FTCD: variants seen among roughly 807,000 people sequenced by gnomAD.
FTCD encodes formimidoyltransferase cyclodeaminase, also known as formimidoyltransferase-cyclodeaminase.
FTCD carries 76 observed loss-of-function variants against 62.9 expected under a neutral mutation model. That is an observed-to-expected ratio of 1.21 (90% CI 1.00 to 1.46). The LOEUF (loss-of-function observed/expected upper bound fraction) is 1.46. Among genes scored for constraint, FTCD ranks in the 40% most tolerant of loss-of-function variants. The pLI is 0.00. For missense variants in FTCD, 845 were observed against 751.3 expected, an observed-to-expected ratio of 1.12 and a Z score of -1.46; for synonymous variants, 397 against 336.9, an observed-to-expected ratio of 1.18 and a Z score of -1.95.
At chr21:46,152,717 C>T in intron 3 of FTCD, 190 bp downstream of exon 3, 1 of 561,984 alleles carries the variant, frequency 1.8e-6, no homozygotes, top group South Asian at 2.6e-5. Context: ...AGGCCCCGGG[C>T]CTGCACGGCC....
Position 46,151,689 on chromosome 21 carries a change from G to A in FTCD, c.505C>T (p.Pro169Ser), listed in dbSNP as rs1422871091. 8.7e-6 allele frequency: 14 copies of A among 1,613,014 alleles called. No homozygotes were observed. The highest frequency in any genetic ancestry group is 1.2e-5 in the Non-Finnish European group (14 of 1,179,980). Residue 169 changes from proline (P) to serine (S), a missense_variant, in exon 5 of 14, where the codon CCC becomes TCC. By Grantham distance (74) the Pro-to-Ser change is moderately conservative. Coordinates refer to ENST00000397746, the MANE Select transcript of FTCD (RefSeq NM_206965.2). ...CCCGTGGCCGTGGCCCCCCAACTGG[G>A]GACAAAGGAGCTGGGACCAAAGTCG... ...APDFGPSSFV[P>S]SWGATATGAR...
At position 46,145,648 on chromosome 21, in the gene FTCD, G is replaced by A. The variant is rs1400685921; in HGVS notation, c.1099-70C>T. On this transcript the variant is annotated intron_variant, in intron 9 of 13. Transcript: ENST00000397746. The stretch of plus-strand genomic sequence containing the variant: ...CCGGGACCGACCCCAGGAAGAGCCA[G>A]GGGCCCGGGTGATCCCTGCGGGGGT... 7.0e-6 allele frequency: 9 copies of A among 1,290,058 alleles called. No individual in the cohort carries two copies. The East Asian group carries it at 1.1e-4, about 15-fold the overall frequency. 79.9% of individuals were successfully genotyped at this position (1,290,058 alleles called of 1,614,324 possible).
At chr21:46,148,936 G>A (rs900748590) in intron 7 of FTCD, among the ~76,000 whole-genome samples, 2 of 152,164 alleles carry the variant, frequency 1.3e-5, no homozygotes, top group African/African-American at 2.4e-5. Context: ...TCCTGATTTT[G>A]ATAATTACAC....
chr21:46,146,659 C>A, intron 7 of FTCD: 1 of 464,164 alleles, frequency 2.2e-6, no homozygotes, highest in Non-Finnish European at 3.9e-6. Context: ...CCCCCAGCAC[C>A]ACTGCCCCAT....
intron 3 of FTCD, chr21:46,152,608 T>G: frequency 3.1e-6 from 1 of 319,136 alleles, no homozygotes; most frequent in Non-Finnish European, 5.8e-6. Flanking sequence ...ATTTTCTTGA[T>G]TTAGTTAATT....
chr21:46,152,066 C>T (rs2079300171), intron 3 of FTCD, 86 bp from the exon 4 acceptor site: 1 of 920,910 alleles, frequency 1.1e-6, no homozygotes, highest in East Asian at 2.7e-5. Flanking sequence ...GGGCTCCCTC[C>T]AGCCTAACCC....
Position 46,152,897 on chromosome 21 carries a change from G to GCC in FTCD, c.367+9_367+10insGG. The GCC allele has an allele frequency of 8.3e-7, 1 of 1,210,048 alleles. No individual in the cohort carries two copies. The highest frequency in any genetic ancestry group is 1.2e-6 in the Non-Finnish European group (1 of 865,798). The allele number at this position is 1,210,048 out of a possible 1,614,324, so 75.0% of individuals were successfully genotyped here. ...GGAGCAGAGTGAGGGGGGCGGGGGG[G>GCC]CACGCTCACCTGGCACGTCCAGCTC... On this transcript the variant is annotated intron_variant, in intron 3 of 13. Transcript: ENST00000397746.
chr21:46,150,871 T>A (rs1229837134), intron 5 of FTCD, among the ~76,000 whole-genome samples: 1 of 152,220 alleles, frequency 6.6e-6, no homozygotes, highest in Non-Finnish European at 1.5e-5. Context: ...TCCCATCTGC[T>A]CCGCTCCCGA....
chr21:46,148,239 C>T (rs114117063), intron 7 of FTCD, among the ~76,000 whole-genome samples: 10,007 of 152,190 alleles, frequency 0.066, 390 homozygotes, highest in African/African-American at 0.1. Flanking sequence ...TGGCAAGTGA[C>T]GGGTCCACGT....
Position 46,136,809 on chromosome 21 carries a change from T to C in FTCD, c.*178A>G. ...TGCCAAAACTTTACTGGAGGTCACA[T>C]GGGACTAGGGGCCTTCTGTCCCTGC... On this transcript the variant is annotated 3_prime_UTR_variant, in exon 14 of 14. Coordinates refer to ENST00000397746, the MANE Select transcript of FTCD (RefSeq NM_206965.2). 6.5e-7 allele frequency: 1 copy of C among 1,538,658 alleles called. No individual in the cohort carries two copies. Among genetic ancestry groups the C allele is most frequent in the Non-Finnish European group, 8.8e-7 (1 of 1,140,540 alleles).
chr21:46,155,191 G>C (rs1288115330), intron 1 of FTCD, among the ~76,000 whole-genome samples: 4 of 152,154 alleles, frequency 2.6e-5, no homozygotes, highest in Non-Finnish European at 5.9e-5. Context: ...GAGGCCCAGA[G>C]ATCTGCCCAA....
At chr21:46,146,389 G>C in intron 7 of FTCD, 62 bp from the exon 8 acceptor site, 1 of 1,139,818 alleles carries the variant, frequency 8.8e-7, no homozygotes, top group Non-Finnish European at 1.3e-6. Context: ...GAAAGCCTCG[G>C]AACCCGCGGG....
chr21:46,144,276 C>T (rs941948950), intron 10 of FTCD, among the ~76,000 whole-genome samples: 11 of 151,322 alleles, frequency 7.3e-5, no homozygotes, highest in Non-Finnish European at 4.4e-5. Flanking sequence ...CTTTTCTTCT[C>T]TTTGTCTTGT....
rs376754467 is a variant in FTCD, at chr21:46,145,471, C to T, written c.1206G>A (p.Ser402=). ...CATCCACCAGCGTGGTTAGCTTGGC[C>T]GAAGCCTCGCGGAAGGGCGGGATCA... ...RRLIPPFREA[S]AKLTTLVDAD... is the part of the protein sequence containing the mutation. The change falls in exon 10 of 14, where the codon TCG becomes TCA. Residue 402 remains serine (S), a synonymous_variant. Transcript: ENST00000397746. 1.6e-4 allele frequency: 248 copies of T among 1,559,018 alleles called. No homozygotes were observed. The highest frequency in any genetic ancestry group is 2.0e-4 in the Non-Finnish European group (227 of 1,152,426).
chr21:46,153,876 G>A (rs903392472), intron 2 of FTCD, among the ~76,000 whole-genome samples: 7 of 152,206 alleles, frequency 4.6e-5, no homozygotes, highest in East Asian at 1.9e-4. Context: ...AACCTTCCCC[G>A]GCGTGGCCCC....
intron 2 of FTCD, among the ~76,000 whole-genome samples, chr21:46,153,374 T>G (rs79010750): frequency 0.05 from 7,673 of 152,126 alleles, 655 homozygotes; most frequent in African/African-American, 0.17. Context: ...AAAAATAACT[T>G]TGAAAGGGGT....
In FTCD at chr21:46,150,431, G is replaced by A. The variant is rs780703694; in HGVS notation, c.731C>T (p.Thr244Met). The change falls in exon 6 of 14, where the codon ACG (threonine) becomes ATG (methionine). Residue 244 changes from threonine to methionine, a missense_variant. By Grantham distance (81) the Thr-to-Met change is moderately conservative. Transcript: ENST00000397746. ...VSTNLLDFEV[T>M]ALHTVYEETC... is the part of the protein sequence containing the mutation. ...CTCCTCGTAGACCGTGTGCAGTGCC[G>A]TGACCTCAAAGTCCAGAAGATTGGT... The A allele has an allele frequency of 8.1e-6, 13 of 1,612,870 alleles. No homozygotes were observed. The highest frequency in any genetic ancestry group is 1.6e-4 in the Middle Eastern group (1 of 6,080).
In FTCD at chr21:46,145,540, G is replaced by T. The variant is rs1338051038; in HGVS notation, c.1137C>A (p.Tyr379Ter). Residue 379 changes from tyrosine to a stop codon, truncating the protein, a stop_gained, in exon 10 of 14, where the codon TAC (tyrosine) becomes TAA (stop). Transcript: ENST00000397746. LOFTEE classifies it high-confidence loss of function. Reference sequence around the variant, plus strand: ...CCAGGGACTGGAATTGGCGCCGCCCGTAGGTCATGAGGCCCACCATGGAGC... The same window carrying T: ...CCAGGGACTGGAATTGGCGCCGCCCTTAGGTCATGAGGCCCACCATGGAGC... ...ALGSMVGLMTYGRRQFQSLDT... is the reference protein window; with the variant it reads ...ALGSMVGLMT 2 of 1,546,186 alleles carry T rather than the reference G, an allele frequency of 1.3e-6. No homozygotes were observed. The highest frequency in any genetic ancestry group is 1.2e-5 in the South Asian group (1 of 83,972).
At chr21:46,138,326 T>C (rs1351359887) in intron 12 of FTCD, among the ~76,000 whole-genome samples, 182 bp downstream of exon 12, 1 of 151,968 alleles carries the variant, frequency 6.6e-6, no homozygotes, top group Non-Finnish European at 1.5e-5. Context: ...GTGAGCGAGA[T>C]CTTAGAAGGC....
Sources: allele counts gnomAD v4.1 joint callset (sites outside exome capture counted in the v4.1 genomes callset), GRCh38; gene constraint gnomAD v4.1.1; transcripts MANE v1.5; gene names NCBI Gene and HGNC (gene_info 2026-07-23, HGNC 2026-07-21).